The following TFEC variants were observed in gnomAD, a reference collection of about 807,000 sequenced individuals.
The protein encoded by TFEC is class E basic helix-loop-helix protein 34.
TFEC carries 31 observed loss-of-function variants against 41.6 expected under a neutral mutation model. The observed-to-expected ratio is 0.74, with a 90% CI of 0.56 to 1.01. The LOEUF (loss-of-function observed/expected upper bound fraction) is 1.01. Ranked by LOEUF, TFEC falls within the 50% of genes least tolerant of loss-of-function variation. The pLI, the probability that TFEC is intolerant of heterozygous loss-of-function variation, is 0.00. For synonymous variants in TFEC, 143 were observed against 140.6 expected (o/e 1.02, Z -0.12); for missense variants, 402 against 404.1 (o/e 0.99, Z 0.04).
intron 1 of TFEC, among the ~76,000 whole-genome samples, chr7:116,020,124 G>T (rs2130850978): frequency 6.6e-6 from 1 of 152,226 alleles, no homozygotes; most frequent in Non-Finnish European, 1.5e-5. Context: ...TGAGAAAGTG[G>T]GGCCAGAGGA....
chr7:116,158,532 TA>T (rs1304908171), intron 1 of TFEC, among the ~76,000 whole-genome samples: 3 of 152,134 alleles, frequency 2.0e-5, no homozygotes, highest in South Asian at 2.1e-4. Context: ...CTAAGCCATT[TA>T]TTTTTTTATT....
At chr7:116,123,128 T>G (rs1307926694) in intron 1 of TFEC, among the ~76,000 whole-genome samples, 1 of 152,136 alleles carries the variant, frequency 6.6e-6, no homozygotes, top group Non-Finnish European at 1.5e-5. Context: ...AAGCAATTGC[T>G]GAACTCACAT....
intron 1 of TFEC, among the ~76,000 whole-genome samples, chr7:115,986,474 C>T (rs1293544450): frequency 6.6e-6 from 1 of 151,920 alleles, no homozygotes; most frequent in Non-Finnish European, 1.5e-5. Flanking sequence ...CTGAAATGTT[C>T]ACAATGCAAA....
At chr7:116,141,625 C>A (rs2116393790) in intron 1 of TFEC, among the ~76,000 whole-genome samples, 1 of 152,250 alleles carries the variant, frequency 6.6e-6, no homozygotes, top group African/African-American at 2.4e-5. Flanking sequence ...ACTGGAAGCA[C>A]AGAGGCAGTC....
chr7:116,128,566 A>T (rs1219114446), intron 1 of TFEC, among the ~76,000 whole-genome samples: 1 of 152,196 alleles, frequency 6.6e-6, no homozygotes, highest in Non-Finnish European at 1.5e-5. Context: ...ATTTTTATAA[A>T]TCAAAGCTAA....
chr7:116,128,443 A>G (rs550030379), intron 1 of TFEC, among the ~76,000 whole-genome samples: 2 of 152,336 alleles, frequency 1.3e-5, no homozygotes, highest in African/African-American at 2.4e-5. Context: ...CAACAAGAAT[A>G]TAACTGATGC....
chr7:116,097,028 T>G (rs1026916089), intron 3 of TFEC, among the ~76,000 whole-genome samples: 10 of 151,084 alleles, frequency 6.6e-5, no homozygotes, highest in Non-Finnish European at 1.3e-4. Context: ...AGTCGGAGGT[T>G]GCAGTGAGCT....
chr7:116,070,933 A>G (rs1483190092), intron 3 of TFEC, among the ~76,000 whole-genome samples: 1 of 151,476 alleles, frequency 6.6e-6, no homozygotes, highest in Non-Finnish European at 1.5e-5. Flanking sequence ...ACAGTAACAC[A>G]TAATACACAC....
At chr7:116,106,503 C>T (rs559696730) in intron 3 of TFEC, among the ~76,000 whole-genome samples, 247 of 152,308 alleles carry the variant, frequency 1.6e-3, no homozygotes, top group Non-Finnish European at 2.5e-3. Context: ...CTGCCTCAGC[C>T]TCCTGAGTAG....
intron 1 of TFEC, 88 bp from the exon 2 acceptor site, chr7:115,984,601 A>G: frequency 1.3e-5 from 19 of 1,444,498 alleles, no homozygotes; most frequent in East Asian, 2.5e-5. Context: ...AGGATAATAA[A>G]CACACTACAC....
rs79100575 is a variant in TFEC, at chr7:116,063,041, T to A, written c.198+47667A>T. ...GGTCATAGCCAAATGTTGGAAACAA[T>A]GCAAATGCCCATCAGTAGATTTATC... On this transcript the variant is annotated intron_variant, in intron 3 of 8. Transcript: ENST00000484212. Among the ~76,000 whole-genome samples the A allele has an allele frequency of 1.9e-4, 29 of 152,294 alleles. No individual in the cohort carries two copies. In the East Asian group the frequency reaches 5.2e-3, roughly 27 times the overall value.
chr7:116,049,513 T>C (rs181155278), intron 3 of TFEC, among the ~76,000 whole-genome samples: 3,050 of 152,210 alleles, frequency 0.02, 89 homozygotes, highest in African/African-American at 0.068. Context: ...AGACTTAGAC[T>C]CCCACAAATA....
rs533401884 is a variant in TFEC at position 116,028,934 on chromosome 7, A to G, written c.-73+1699T>C. Among the ~76,000 whole-genome samples, 22 of 103,066 alleles carry G rather than the reference A, an allele frequency of 2.1e-4. 1 individual carries two copies. The highest frequency in any genetic ancestry group is 5.1e-3 in the Middle Eastern group (1 of 196). 67.6% of individuals were successfully genotyped at this position (103,066 alleles called of 152,430 possible). ...AAACTATTTTTACTTCCACTATATA[A>G]GTTAGTAGTATTTCTGAAAATTTCA... On this transcript the variant is annotated intron_variant, in intron 1 of 7. Coordinates refer to ENST00000265440, the MANE Select transcript of TFEC (RefSeq NM_012252.4).
intron 3 of TFEC, among the ~76,000 whole-genome samples, chr7:116,049,768 T>A (rs534815866): frequency 1.3e-5 from 2 of 152,280 alleles, no homozygotes; most frequent in South Asian, 2.1e-4. Context: ...ACAGAAATTA[T>A]AACAAACTGT....
At chr7:115,942,152 A>G in intron 6 of TFEC, 112 bp from the exon 7 acceptor site, 1 of 1,096,348 alleles carries the variant, frequency 9.1e-7, no homozygotes, top group Non-Finnish European at 1.2e-6. Context: ...ACTATTATTC[A>G]CTCTTAGATA....
At chr7:116,029,110 G>A (rs17138251) in intron 1 of TFEC, among the ~76,000 whole-genome samples, 4,657 of 151,886 alleles carry the variant, frequency 0.031, 89 homozygotes, top group Non-Finnish European at 0.038. Flanking sequence ...TGAGCTCCAA[G>A]TTTCAGTTCA....
At chr7:116,076,667 G>T (rs115390734) in intron 3 of TFEC, among the ~76,000 whole-genome samples, 109 of 152,034 alleles carry the variant, frequency 7.2e-4, no homozygotes, top group African/African-American at 2.5e-3. Flanking sequence ...ACAAGCAGAA[G>T]AAAGAATTTC....
At chr7:116,019,830 T>C (rs1795326767) in intron 1 of TFEC, among the ~76,000 whole-genome samples, 1 of 152,200 alleles carries the variant, frequency 6.6e-6, no homozygotes, top group Non-Finnish European at 1.5e-5. Context: ...CCTTATTTGA[T>C]GCATTTTATT....
intron 3 of TFEC, among the ~76,000 whole-genome samples, chr7:115,971,756 G>A (rs1202646141): frequency 6.6e-6 from 1 of 151,986 alleles, no homozygotes; most frequent in Non-Finnish European, 1.5e-5. Flanking sequence ...AACTAGGTTA[G>A]CAAGAAAAAA....
Sources: allele counts gnomAD v4.1 joint callset (sites outside exome capture counted in the v4.1 genomes callset), GRCh38; gene constraint gnomAD v4.1.1; transcripts MANE v1.5; gene names NCBI Gene and HGNC (gene_info 2026-07-23, HGNC 2026-07-21).